The following SHROOM3 variants were observed in gnomAD, a reference collection of about 807,000 sequenced individuals.
The protein encoded by SHROOM3 is shroom family member 3, also known as protein Shroom3.
Under a neutral mutation model 138.6 loss-of-function variants are expected in SHROOM3, and 47 were observed. That is an observed-to-expected ratio of 0.34 (90% CI 0.27 to 0.43). The LOEUF (loss-of-function observed/expected upper bound fraction) is 0.43. Ranked by LOEUF, SHROOM3 falls within the 20% of genes least tolerant of loss-of-function variation. The probability of loss-of-function intolerance (pLI) is 1.00; values close to 1 mark genes in which losing one functional copy is unlikely to be tolerated. For synonymous variants in SHROOM3, 1,062 were observed against 1,063.3 expected (o/e 1.00, Z 0.02); for missense variants, 2,491 against 2,596.5 (o/e 0.96, Z 0.88).
At chr4:76,744,574 TG>T (rs1273608388) in intron 5 of SHROOM3, among the ~76,000 whole-genome samples, 3 of 152,230 alleles carry the variant, frequency 2.0e-5, no homozygotes, top group Non-Finnish European at 4.4e-5. Context: ...ATAACTATTG[TG>T]GTTATTATAT....
intron 2 of SHROOM3, among the ~76,000 whole-genome samples, chr4:76,644,601 C>CATT (rs1464333726): frequency 6.6e-6 from 1 of 150,650 alleles, no homozygotes; most frequent in Admixed American, 6.6e-5. Flanking sequence ...TTAATTGAAA[C>CATT]ATAATAATTA....
At chr4:76,645,096 C>T (rs1016155142) in intron 2 of SHROOM3, among the ~76,000 whole-genome samples, 6 of 152,170 alleles carry the variant, frequency 3.9e-5, no homozygotes, top group Non-Finnish European at 7.3e-5. Flanking sequence ...TGTATATTTA[C>T]ACCACACTGT....
At chr4:76,602,125 C>A (rs561916495) in intron 2 of SHROOM3, among the ~76,000 whole-genome samples, 1 of 152,198 alleles carries the variant, frequency 6.6e-6, no homozygotes, top group East Asian at 1.9e-4. Context: ...GTGAAGCCAT[C>A]CAGGAGCAAT....
At chr4:76,597,579 GGGA>G (rs1734417128) in intron 2 of SHROOM3, among the ~76,000 whole-genome samples, 1 of 152,194 alleles carries the variant, frequency 6.6e-6, no homozygotes, top group Non-Finnish European at 1.5e-5. Context: ...GAACAAGACA[GGGA>G]GGAGGAGAAG....
At chr4:76,765,822 G>T (rs1183568100) in intron 9 of SHROOM3, among the ~76,000 whole-genome samples, 1 of 152,028 alleles carries the variant, frequency 6.6e-6, no homozygotes, top group Non-Finnish European at 1.5e-5. Context: ...TCAAATTTCT[G>T]GCCTCCATTT....
Position 76,465,764 on chromosome 4 carries a change from C to T in SHROOM3, c.168+29544C>T, listed in dbSNP as rs150114508. Among the ~76,000 whole-genome samples the T allele has an allele frequency of 2.8e-4, 42 of 152,280 alleles. No individual in the cohort carries two copies. The East Asian group carries it at 4.4e-3, about 16-fold the overall frequency. On this transcript the variant is annotated intron_variant, in intron 1 of 10. Transcript: ENST00000296043. Reference sequence around the variant, plus strand: ...TCAAGTAACAATGCAAAAAGCCTGACGCTCACTGACTATTAGATTGTTGAC... The same window carrying T: ...TCAAGTAACAATGCAAAAAGCCTGATGCTCACTGACTATTAGATTGTTGAC...
Position 76,754,692 on chromosome 4 carries a change from T to C in SHROOM3, c.4209T>C (p.Cys1403=). ...TLTQPPGPRG[C]EGDGPEHGVE... Reference sequence around the variant, plus strand: ...CCCAGCCTCCCGGTCCAAGAGGCTGTGAGGGCGATGGCCCAGAGCATGGGG... The same window carrying C: ...CCCAGCCTCCCGGTCCAAGAGGCTGCGAGGGCGATGGCCCAGAGCATGGGG... Residue 1403 remains cysteine, a synonymous_variant, in exon 7 of 11, where the codon TGT becomes TGC. Transcript: ENST00000296043. 1 of 1,614,140 alleles carries C rather than the reference T, an allele frequency of 6.2e-7. No homozygotes were observed. Among genetic ancestry groups the C allele is most frequent in the Non-Finnish European group, 8.5e-7 (1 of 1,180,016 alleles).
Position 76,436,265 on chromosome 4 carries a change from T to TG in SHROOM3, c.168+45_168+46insG, listed in dbSNP as rs1309471462. 3.1e-6 allele frequency: 5 copies of TG among 1,608,522 alleles called. No individual in the cohort carries two copies. The South Asian group carries it at 4.4e-5, about 14-fold the overall frequency. On this transcript the variant is annotated intron_variant, in intron 1 of 10. Transcript: ENST00000296043. The stretch of plus-strand genomic sequence containing the variant: ...ATTGCCTTTATTCAAATTGTTTTTT[T>TG]CAACTTGTCAGATTTGTCAAAAATG...
chr4:76,487,320 C>A (rs1731752638), intron 1 of SHROOM3, among the ~76,000 whole-genome samples: 1 of 152,058 alleles, frequency 6.6e-6, no homozygotes, highest in Admixed American at 6.6e-5. Flanking sequence ...ATGGCTATAC[C>A]ACATTTTATT....
intron 1 of SHROOM3, among the ~76,000 whole-genome samples, chr4:76,475,978 G>GT (rs981870953): frequency 2.8e-4 from 42 of 151,968 alleles, no homozygotes; most frequent in African/African-American, 9.7e-4. Flanking sequence ...AAACAATACT[G>GT]TTTTTTAAAA....
intron 1 of SHROOM3, among the ~76,000 whole-genome samples, chr4:76,461,004 A>G (rs115729498): frequency 2.9e-3 from 441 of 150,580 alleles, no homozygotes; most frequent in African/African-American, 0.01. Flanking sequence ...TCGAAAAAAT[A>G]CAAATAAAAA....
chr4:76,655,300 C>T (rs536827353), intron 2 of SHROOM3, among the ~76,000 whole-genome samples: 2 of 152,280 alleles, frequency 1.3e-5, no homozygotes, highest in African/African-American at 4.8e-5. Context: ...TGTTTAATCA[C>T]TCACCATGTT....
intron 2 of SHROOM3, among the ~76,000 whole-genome samples, chr4:76,662,991 G>A (rs1718581819): frequency 6.6e-6 from 1 of 152,148 alleles, no homozygotes; most frequent in South Asian, 2.1e-4. Flanking sequence ...GTTACTGAGA[G>A]CCATGTCTCT....
intron 2 of SHROOM3, among the ~76,000 whole-genome samples, chr4:76,603,408 ACT>A (rs1481419150): frequency 6.6e-6 from 1 of 151,732 alleles, no homozygotes; most frequent in East Asian, 1.9e-4. Context: ...AGAGAATGAG[ACT>A]CTGTCTCAAA....
At chr4:76,475,006 T>A (rs1731455946) in intron 1 of SHROOM3, among the ~76,000 whole-genome samples, 1 of 152,134 alleles carries the variant, frequency 6.6e-6, no homozygotes, top group South Asian at 2.1e-4. Context: ...TAGCATCATT[T>A]TGATTCATCT....
At chr4:76,674,437 G>A (rs1718969382) in intron 2 of SHROOM3, among the ~76,000 whole-genome samples, 1 of 151,796 alleles carries the variant, frequency 6.6e-6, no homozygotes, top group South Asian at 2.1e-4. Context: ...CGTGAGGATT[G>A]AGGCTGAGTT....
intron 6 of SHROOM3, 86 bp downstream of exon 6, chr4:76,749,176 T>A: frequency 7.8e-7 from 1 of 1,282,184 alleles, no homozygotes; most frequent in Non-Finnish European, 1.1e-6. Flanking sequence ...GAAATTGAAA[T>A]GTGATGTCAT....
chr4:76,709,862 A>G (rs1720179436), intron 2 of SHROOM3: 2 of 361,458 alleles, frequency 5.5e-6, no homozygotes, highest in South Asian at 2.5e-5. Context: ...AACAGTTAAT[A>G]TAACTTTCTT....
At chr4:76,557,580 C>T (rs1472213703) in intron 2 of SHROOM3, among the ~76,000 whole-genome samples, 1 of 152,038 alleles carries the variant, frequency 6.6e-6, no homozygotes, top group African/African-American at 2.4e-5. Flanking sequence ...GTATTGTTTA[C>T]TTAAAATTTG....
Sources: allele counts gnomAD v4.1 joint callset (sites outside exome capture counted in the v4.1 genomes callset), GRCh38; gene constraint gnomAD v4.1.1; transcripts MANE v1.5; gene names NCBI Gene and HGNC (gene_info 2026-07-23, HGNC 2026-07-21).